MACROD2: variants seen among roughly 807,000 people sequenced by gnomAD.
MACROD2 encodes the protein mono-ADP ribosylhydrolase 2, also known as ADP-ribose glycohydrolase MACROD2.
In MACROD2, 36 loss-of-function variants were observed where a neutral mutation model predicts 70.4. The ratio of observed to expected loss-of-function variants is 0.51; its 90% CI spans 0.39 to 0.68. The LOEUF (loss-of-function observed/expected upper bound fraction) is 0.68, where lower values mean the gene tolerates loss of function less well. Among genes scored for constraint, MACROD2 ranks in the 30% least tolerant of loss-of-function variants. MACROD2 has a pLI of 0.00. For missense variants in MACROD2, 496 were observed against 538.4 expected, an observed-to-expected ratio of 0.92 and a Z score of 0.78; for synonymous variants, 172 against 178.8, an observed-to-expected ratio of 0.96 and a Z score of 0.30.
intron 4 of MACROD2, among the ~76,000 whole-genome samples, chr20:14,576,144 G>A (rs919083033): frequency 6.6e-6 from 1 of 152,088 alleles, no homozygotes; most frequent in Non-Finnish European, 1.5e-5. Flanking sequence ...CCAGCCCCAC[G>A]ACTGGTATTT....
At chr20:15,126,811 G>A (rs2076070468) in intron 5 of MACROD2, among the ~76,000 whole-genome samples, 1 of 152,028 alleles carries the variant, frequency 6.6e-6, no homozygotes, top group Non-Finnish European at 1.5e-5. Flanking sequence ...GGACTTCTGT[G>A]AATTAACTTG....
intron 12 of MACROD2, among the ~76,000 whole-genome samples, chr20:15,951,775 A>G (rs1309706693): frequency 1.3e-5 from 2 of 152,184 alleles, no homozygotes; most frequent in African/African-American, 4.8e-5. Flanking sequence ...ATGGTTTTCA[A>G]AAAGCATGTA....
intron 3 of MACROD2, among the ~76,000 whole-genome samples, chr20:14,138,763 C>CA (rs2054832616): frequency 6.8e-6 from 1 of 147,034 alleles, no homozygotes; most frequent in African/African-American, 2.5e-5. Context: ...CTTAAGTTTT[C>CA]CACACACACA....
At chr20:15,996,121 A>G (rs182622533) in intron 15 of MACROD2, among the ~76,000 whole-genome samples, 176 of 152,222 alleles carry the variant, frequency 1.2e-3, no homozygotes, top group African/African-American at 3.1e-3. Flanking sequence ...ATTTCCATTA[A>G]CAGTGTAAAA....
intron 5 of MACROD2, among the ~76,000 whole-genome samples, chr20:15,024,271 T>C (rs1012014387): frequency 2.4e-4 from 37 of 152,262 alleles, no homozygotes; most frequent in African/African-American, 8.9e-4. Context: ...AAATTTCTCT[T>C]TGAGGTTACT....
At chr20:15,184,904 A>G (rs2076524558) in intron 5 of MACROD2, among the ~76,000 whole-genome samples, 1 of 152,224 alleles carries the variant, frequency 6.6e-6, no homozygotes, top group Non-Finnish European at 1.5e-5. Context: ...AGACAAAATG[A>G]TAAGATGACC....
chr20:15,948,144 T>A (rs2065851220), intron 12 of MACROD2, among the ~76,000 whole-genome samples: 1 of 152,034 alleles, frequency 6.6e-6, no homozygotes, highest in African/African-American at 2.4e-5. Context: ...GGAAGGTGAC[T>A]GCATCCACCT....
intron 6 of MACROD2, among the ~76,000 whole-genome samples, chr20:15,297,347 G>T (rs1156787570): frequency 6.6e-6 from 1 of 152,150 alleles, no homozygotes; most frequent in Non-Finnish European, 1.5e-5. Flanking sequence ...CAGCGGGCTT[G>T]TATTTTTAGA....
Position 14,856,902 on chromosome 20 carries a change from A to G in MACROD2, c.418+171943A>G, listed in dbSNP as rs78180643. ...ATATACAGTCCTTTCACATATTTCC[A>G]TCATCTCATTTTGGTCTTCACAATA... On this transcript the variant is annotated intron_variant, in intron 5 of 17. Transcript: ENST00000684519. 8.3e-4 allele frequency among the ~76,000 whole-genome samples: 127 copies of G among 152,246 alleles called. 2 individuals carry two copies. The highest frequency in any genetic ancestry group is 6.8e-3 in the Middle Eastern group (2 of 294).
At chr20:14,067,876 ATCT>A (rs2053786009) in intron 2 of MACROD2, among the ~76,000 whole-genome samples, 1 of 152,186 alleles carries the variant, frequency 6.6e-6, no homozygotes, top group Non-Finnish European at 1.5e-5. Context: ...CATTGTTCAA[ATCT>A]TAGCTCTGTC....
intron 5 of MACROD2, chr20:14,757,477 G>A (rs2071956325): frequency 2.0e-6 from 1 of 506,576 alleles, no homozygotes; most frequent in East Asian, 3.1e-5. Flanking sequence ...ATTTTTCTTA[G>A]GTAGGCATTA....
At chr20:15,044,479 C>G (rs773947549) in intron 5 of MACROD2, among the ~76,000 whole-genome samples, 4 of 152,094 alleles carry the variant, frequency 2.6e-5, no homozygotes, top group Admixed American at 1.3e-4. Context: ...CCCATTTGCC[C>G]TCCAGACCCA....
At chr20:16,013,884 G>A (rs915908802) in intron 15 of MACROD2, among the ~76,000 whole-genome samples, 4 of 152,208 alleles carry the variant, frequency 2.6e-5, no homozygotes, top group African/African-American at 9.6e-5. Flanking sequence ...GGTGTTCTGA[G>A]AATATCTGTT....
intron 3 of MACROD2, among the ~76,000 whole-genome samples, chr20:14,320,434 A>G (rs1270867145): frequency 1.3e-5 from 2 of 152,146 alleles, no homozygotes; most frequent in Admixed American, 6.5e-5. Flanking sequence ...TTTTTATAAA[A>G]TGTTGCCTGA....
chr20:15,553,523 G>A (rs181599178), intron 8 of MACROD2, among the ~76,000 whole-genome samples: 9 of 152,222 alleles, frequency 5.9e-5, no homozygotes, highest in East Asian at 3.9e-4. Flanking sequence ...GGGCTTGAGC[G>A]ATCTCCTACC....
chr20:15,957,470 A>G (rs137862045), intron 12 of MACROD2, among the ~76,000 whole-genome samples: 74 of 152,302 alleles, frequency 4.9e-4, no homozygotes, highest in African/African-American at 1.8e-3. Context: ...AGGTTGGAGC[A>G]TAAACATACA....
intron 5 of MACROD2, among the ~76,000 whole-genome samples, chr20:14,879,702 A>T (rs2073589399): frequency 6.6e-6 from 1 of 152,192 alleles, no homozygotes; most frequent in Non-Finnish European, 1.5e-5. Flanking sequence ...GCATATATAG[A>T]GTATAGCTCT....
intron 6 of MACROD2, among the ~76,000 whole-genome samples, chr20:15,358,444 ATT>A (rs11479347): frequency 8.7e-4 from 131 of 151,256 alleles, no homozygotes; most frequent in African/African-American, 2.7e-3. Flanking sequence ...TGTTTTATCA[ATT>A]TTTTTTTTAA....
At chr20:14,717,965 T>C in intron 5 of MACROD2, among the ~76,000 whole-genome samples, 1 of 151,288 alleles carries the variant, frequency 6.6e-6, no homozygotes, top group African/African-American at 2.4e-5. Context: ...AAACCAAAAA[T>C]ACACACACAC....
Sources: gnomAD v4.1 joint callset for allele counts (sites outside exome capture counted in the v4.1 genomes callset) on GRCh38, gnomAD v4.1.1 for gene constraint, MANE v1.5 for transcripts, NCBI Gene and HGNC (gene_info 2026-07-23, HGNC 2026-07-21) for gene names.